The following SPMIP3 variants were observed in gnomAD, a reference collection of about 807,000 sequenced individuals.
SPMIP3 encodes sperm microtubule inner protein 3.
the SPMIP3 span, among the ~76,000 whole-genome samples, chr1:244,359,566 AC>A: frequency 6.6e-6 from 1 of 152,086 alleles, no homozygotes; most frequent in African/African-American, 2.4e-5. Context: ...TACTAAAAAT[AC>A]AAAAAATTAG....
At chr1:244,380,123 C>CTTTTT in the SPMIP3 span, among the ~76,000 whole-genome samples, 54 of 115,526 alleles carry the variant, frequency 4.7e-4, 2 homozygotes, top group Admixed American at 5.5e-4. Flanking sequence ...CAGAGTTTTT[C>CTTTTT]TTTTTTTTTT....
chr1:244,386,170 T>C, the SPMIP3 span, among the ~76,000 whole-genome samples: 2 of 152,054 alleles, frequency 1.3e-5, no homozygotes, highest in Admixed American at 6.6e-5. Flanking sequence ...AGAGTGAAAA[T>C]CCATCTCAAA....
At chr1:244,367,604 G>C in the SPMIP3 span, among the ~76,000 whole-genome samples, 1 of 152,142 alleles carries the variant, frequency 6.6e-6, no homozygotes, top group East Asian at 1.9e-4. Flanking sequence ...CCCAACCCAC[G>C]TGCGGCTCGG....
chr1:244,363,939 G>T, the SPMIP3 span, among the ~76,000 whole-genome samples: 2 of 152,084 alleles, frequency 1.3e-5, no homozygotes, highest in African/African-American at 4.8e-5. Flanking sequence ...TTGTTGTGAG[G>T]CACTCTGGGA....
At chr1:244,366,941 T>C in the SPMIP3 span, among the ~76,000 whole-genome samples, 1 of 151,240 alleles carries the variant, frequency 6.6e-6, no homozygotes, top group Non-Finnish European at 1.5e-5. Flanking sequence ...ATAAAGGAAA[T>C]GAAAAAGGGT....
chr1:244,370,499 T>A, the SPMIP3 span, among the ~76,000 whole-genome samples: 1 of 152,246 alleles, frequency 6.6e-6, no homozygotes, highest in Non-Finnish European at 1.5e-5. Flanking sequence ...CTGACCAGAT[T>A]ATGAACTCTT....
the SPMIP3 span, among the ~76,000 whole-genome samples, chr1:244,382,932 G>A: frequency 6.6e-6 from 1 of 151,908 alleles, no homozygotes; most frequent in Non-Finnish European, 1.5e-5. Context: ...CTGCTAAATG[G>A]AGGGGAAAAG....
the SPMIP3 span, among the ~76,000 whole-genome samples, chr1:244,385,156 G>C: frequency 6.6e-6 from 1 of 152,146 alleles, no homozygotes; most frequent in Non-Finnish European, 1.5e-5. Flanking sequence ...GCTCCCCAAA[G>C]TGCTGGGATT....
At chr1:244,354,096 A>G in the SPMIP3 span, among the ~76,000 whole-genome samples, 1 of 152,190 alleles carries the variant, frequency 6.6e-6, no homozygotes, top group African/African-American at 2.4e-5. Context: ...AACGGATGCA[A>G]CTTACTCACC....
At chr1:244,359,409 G>A in the SPMIP3 span, among the ~76,000 whole-genome samples, 1 of 152,096 alleles carries the variant, frequency 6.6e-6, no homozygotes, top group Non-Finnish European at 1.5e-5. Flanking sequence ...CAATCAATAG[G>A]GAAAAGAAAA....
At chr1:244,384,774 T>C in the SPMIP3 span, among the ~76,000 whole-genome samples, 2 of 152,136 alleles carry the variant, frequency 1.3e-5, no homozygotes, top group East Asian at 1.9e-4. Flanking sequence ...TAAACAACAA[T>C]AGGCTGGCAA....
the SPMIP3 span, among the ~76,000 whole-genome samples, chr1:244,377,597 T>C: frequency 6.6e-6 from 1 of 152,214 alleles, no homozygotes; most frequent in African/African-American, 2.4e-5. Flanking sequence ...GGATAAAATA[T>C]GTGCAGATTT....
chr1:244,369,435 G>C, the SPMIP3 span, among the ~76,000 whole-genome samples: 1 of 152,250 alleles, frequency 6.6e-6, no homozygotes, highest in Non-Finnish European at 1.5e-5. Flanking sequence ...TGCGTGGGAT[G>C]ATATTGGAGC....
the SPMIP3 span, among the ~76,000 whole-genome samples, chr1:244,374,430 T>A: frequency 6.6e-6 from 1 of 152,160 alleles, no homozygotes; most frequent in East Asian, 1.9e-4. Flanking sequence ...GACTTATTTG[T>A]TACAGTTAAA....
the SPMIP3 span, among the ~76,000 whole-genome samples, chr1:244,359,412 A>G: frequency 1.3e-5 from 2 of 152,208 alleles, no homozygotes; most frequent in Non-Finnish European, 2.9e-5. Flanking sequence ...TCAATAGGGA[A>G]AAGAAAATCT....
chr1:244,372,571 A>G, the SPMIP3 span, among the ~76,000 whole-genome samples: 5 of 151,930 alleles, frequency 3.3e-5, no homozygotes, highest in East Asian at 1.9e-4. Context: ...AGCCTCCCAA[A>G]TAGCTGGGAC....
the SPMIP3 span, among the ~76,000 whole-genome samples, chr1:244,387,630 T>A: frequency 1.3e-5 from 2 of 152,134 alleles, no homozygotes; most frequent in Non-Finnish European, 2.9e-5. Context: ...GCAAAAGGGA[T>A]GGTGAAATAG....
chr1:244,371,884 T>G, the SPMIP3 span, among the ~76,000 whole-genome samples: 1 of 152,238 alleles, frequency 6.6e-6, no homozygotes, highest in Non-Finnish European at 1.5e-5. Flanking sequence ...TCTCTTCTTA[T>G]GACTTAATAC....
At chr1:244,379,193 G>T in the SPMIP3 span, among the ~76,000 whole-genome samples, 9 of 150,448 alleles carry the variant, frequency 6.0e-5, no homozygotes, top group South Asian at 4.2e-4. Flanking sequence ...CTCCCAAAGT[G>T]CTAGGATTAC....
Sources: allele counts gnomAD v4.1 joint callset (sites outside exome capture counted in the v4.1 genomes callset), GRCh38; gene constraint gnomAD v4.1.1; transcripts MANE v1.5; gene names NCBI Gene and HGNC (gene_info 2026-07-23, HGNC 2026-07-21).